Variants in SEC14L6 observed in about 807,000 individuals in gnomAD.
SEC14L6 encodes SEC14-like protein 6.
SEC14L6 carries 40 observed loss-of-function variants against 54.1 expected under a neutral mutation model. The observed-to-expected ratio is 0.74, with a 90% CI of 0.57 to 0.96. SEC14L6 has a LOEUF of 0.96. SEC14L6 is among the 40% of genes least tolerant of loss of function. The probability of loss-of-function intolerance (pLI) is 0.00; values close to 1 mark genes in which losing one functional copy is unlikely to be tolerated. For synonymous variants in SEC14L6, 171 were observed against 198.4 expected, an observed-to-expected ratio of 0.86 and a Z score of 1.16; for missense variants, 471 against 498.3, an observed-to-expected ratio of 0.95 and a Z score of 0.52.
chr22:30,543,274 C>T (rs546974840), intron 1 of SEC14L6: 9 of 1,586,508 alleles, frequency 5.7e-6, no homozygotes, highest in African/African-American at 4.0e-5. Flanking sequence ...CGTCACCTTG[C>T]GGGGGGACTC....
chr22:30,542,532 C>T (rs1343681162), intron 1 of SEC14L6: 3 of 1,118,588 alleles, frequency 2.7e-6, no homozygotes, highest in African/African-American at 3.3e-5. Flanking sequence ...GGCGGCGCTT[C>T]TAGTGCCTTC....
intron 1 of SEC14L6, among the ~76,000 whole-genome samples, chr22:30,540,256 T>A (rs1057466986): frequency 6.6e-6 from 1 of 152,130 alleles, no homozygotes; most frequent in Non-Finnish European, 1.5e-5. Flanking sequence ...TTAGCCAACA[T>A]GAGCAATTTT....
Position 30,524,734 on chromosome 22 carries a change from C to A in SEC14L6, c.*263G>T. The A allele has an allele frequency of 2.7e-6, 1 of 366,336 alleles. No homozygotes were observed. Among genetic ancestry groups the A allele is most frequent in the Non-Finnish European group, 5.0e-6 (1 of 198,512 alleles). The allele number at this position is 366,336 out of a possible 1,614,324, so 22.7% of individuals were successfully genotyped here. Reference sequence around the variant, plus strand: ...TTGGTATTGGTTGATAGAAAAAAGCCTGGGGTTTTTGCTGAGCTTGAGGTC... The same window carrying A: ...TTGGTATTGGTTGATAGAAAAAAGCATGGGGTTTTTGCTGAGCTTGAGGTC... On this transcript the variant is annotated 3_prime_UTR_variant, in exon 12 of 12. Coordinates refer to ENST00000402034, the MANE Select transcript of SEC14L6 (RefSeq NM_001193336.4).
rs201439318 is a variant in SEC14L6 at position 30,525,129 on chromosome 22, T to G, written c.1082-20A>C. On this transcript the variant is annotated intron_variant, in intron 11 of 11. Coordinates refer to ENST00000402034, the MANE Select transcript of SEC14L6 (RefSeq NM_001193336.4). Reference sequence around the variant, plus strand: ...GGACATCTGCAGTGAGGGACAGACATTCAGACAAGATGCCCCACCTGGGAC... The same window carrying G: ...GGACATCTGCAGTGAGGGACAGACAGTCAGACAAGATGCCCCACCTGGGAC... 1.8e-4 allele frequency: 260 copies of G among 1,433,048 alleles called. No homozygotes were observed. The highest frequency in any genetic ancestry group is 3.5e-4 in the Middle Eastern group (2 of 5,794). 88.8% of individuals were successfully genotyped at this position (1,433,048 alleles called of 1,614,324 possible).
In SEC14L6 at chr22:30,529,070, G is replaced by T. The variant is rs748336975; in HGVS notation, c.664+17C>A. The T allele has an allele frequency of 6.5e-7, 1 of 1,541,872 alleles. No individual in the cohort carries two copies. The highest frequency in any genetic ancestry group is 2.0e-5 in the Admixed American group (1 of 50,950). On this transcript the variant is annotated intron_variant, in intron 8 of 11. Coordinates refer to ENST00000402034, the MANE Select transcript of SEC14L6 (RefSeq NM_001193336.4). ...CAGGATCCAGGCTGGAAAAGAGGCC[G>T]CAGAGGGCTCACTCACCTCCGAGAA...
intron 1 of SEC14L6, among the ~76,000 whole-genome samples, chr22:30,541,556 C>T (rs541094602): frequency 4.6e-5 from 7 of 152,010 alleles, no homozygotes; most frequent in East Asian, 1.9e-4. Context: ...CTACTCAGGA[C>T]GCTGAGGCAG....
In SEC14L6 at chr22:30,538,860, G is replaced by A; in HGVS notation, c.97C>T (p.Pro33Ser). The A allele has an allele frequency of 6.4e-7, 1 of 1,557,902 alleles. No homozygotes were observed. Among genetic ancestry groups the A allele is most frequent in the Non-Finnish European group, 8.7e-7 (1 of 1,150,212 alleles). The change falls in exon 2 of 12, where the codon CCT (proline) becomes TCT (serine). Residue 33 changes from proline to serine, a missense_variant. Coordinates refer to ENST00000402034, the MANE Select transcript of SEC14L6 (RefSeq NM_001193336.4). ...CAGCGCAGGAGGAAGTAGTCATCAG[G>A]ATTGGGCAGCGCAGATAGCACATCT... Reference protein sequence around the residue: ...IQDVLSALPNPDDYFLLRWLQ... With the variant: ...IQDVLSALPNSDDYFLLRWLQ...
rs1318972347 is a variant in SEC14L6, at chr22:30,525,277, G to A, written c.1081+73C>T. 6.5e-6 allele frequency: 10 copies of A among 1,531,140 alleles called. No individual in the cohort carries two copies. In the African/African-American group the frequency reaches 1.2e-4, roughly 19 times the overall value. The allele number at this position is 1,531,140 out of a possible 1,614,324, so 94.8% of individuals were successfully genotyped here. On this transcript the variant is annotated intron_variant, in intron 11 of 11. Transcript: ENST00000402034. The stretch of plus-strand genomic sequence containing the variant: ...AGAACCAAGGGCCCTCACCTGGTAG[G>A]ACCTGGATGCACATTGTAGCACCCT...
chr22:30,532,251 T>C (rs779823725), intron 5 of SEC14L6: 2 of 985,446 alleles, frequency 2.0e-6, no homozygotes, highest in Non-Finnish European at 2.4e-6. Context: ...GGGGCTGAAA[T>C]CCCTGTCCCT....
At chr22:30,532,421 G>A in intron 5 of SEC14L6, 104 bp downstream of exon 5, 3 of 1,343,744 alleles carry the variant, frequency 2.2e-6, no homozygotes, top group Non-Finnish European at 3.0e-6. Flanking sequence ...GTACCAGGAG[G>A]AGCCGAGGAG....
At chr22:30,531,874 C>T (rs1356971546) in intron 6 of SEC14L6, 29 bp downstream of exon 6, 2 of 1,493,110 alleles carry the variant, frequency 1.3e-6, no homozygotes, top group Non-Finnish European at 1.8e-6. Context: ...TTTGACCACC[C>T]ACCCATGCCC....
chr22:30,531,622 G>T (rs1200875478), intron 6 of SEC14L6, among the ~76,000 whole-genome samples: 1 of 152,170 alleles, frequency 6.6e-6, no homozygotes, highest in Admixed American at 6.5e-5. Flanking sequence ...TACTCGGGAG[G>T]CTGAGGCAGA....
At chr22:30,542,710 G>A in intron 1 of SEC14L6, 1 of 1,567,826 alleles carries the variant, frequency 6.4e-7, no homozygotes, top group Admixed American at 1.7e-5. Context: ...ATCAGTTGCA[G>A]CTGGAGAGTC....
At chr22:30,530,269 G>A (rs1466738780) in intron 6 of SEC14L6, among the ~76,000 whole-genome samples, 3 of 152,128 alleles carry the variant, frequency 2.0e-5, no homozygotes, top group Admixed American at 2.0e-4. Flanking sequence ...AATTAGTTGG[G>A]CGTGGTGGCG....
rs1462243911 is a variant in SEC14L6, at chr22:30,532,654, G to A, written c.294C>T (p.Val98=). ...ICGHDGEGSP[V]WYHIVGSLDP... ...CCAGGCTTCCCACAATGTGGTACCA[G>A]ACAGGGCTGCCCTCACCGTCGTGGC... is the stretch of plus-strand genomic sequence containing the variant. Residue 98 remains valine, a synonymous_variant, in exon 5 of 12, where the codon GTC becomes GTT. Coordinates refer to ENST00000402034, the MANE Select transcript of SEC14L6 (RefSeq NM_001193336.4). The A allele has an allele frequency of 6.4e-7, 1 of 1,550,856 alleles. No homozygotes were observed. Among genetic ancestry groups the A allele is most frequent in the Non-Finnish European group, 8.7e-7 (1 of 1,147,162 alleles).
intron 11 of SEC14L6, 62 bp downstream of exon 11, chr22:30,525,288 A>C: frequency 6.4e-7 from 1 of 1,559,306 alleles, no homozygotes; most frequent in Non-Finnish European, 8.7e-7. Context: ...ACCTGGATGC[A>C]CATTGTAGCA....
rs998763480 is a variant in SEC14L6 at position 30,540,496 on chromosome 22, G to T, written c.55-1594C>A. On this transcript the variant is annotated intron_variant, in intron 1 of 11. Coordinates refer to ENST00000402034, the MANE Select transcript of SEC14L6 (RefSeq NM_001193336.4). ...TTTGGCCAGCCGAGGCAGGTGGATT[G>T]CTTGAGCTCAGGAGTTTGAGACCAC... Among the ~76,000 whole-genome samples the T allele has an allele frequency of 4.0e-5, 6 of 150,496 alleles. 1 individual carries two copies. In the South Asian group the frequency reaches 1.3e-3, roughly 32 times the overall value.
At chr22:30,529,814 G>A (rs981535721) in intron 6 of SEC14L6, among the ~76,000 whole-genome samples, 2 of 152,120 alleles carry the variant, frequency 1.3e-5, no homozygotes, top group East Asian at 1.9e-4. Context: ...TCCCATTCAC[G>A]ACTGTGGAAG....
intron 1 of SEC14L6, among the ~76,000 whole-genome samples, chr22:30,541,757 C>T (rs181550564): frequency 1.3e-5 from 2 of 152,224 alleles, no homozygotes; most frequent in South Asian, 2.1e-4. Flanking sequence ...TGCTTGAGCC[C>T]AGGAGTTTGA....
Sources: allele counts gnomAD v4.1 joint callset (sites outside exome capture counted in the v4.1 genomes callset), GRCh38; gene constraint gnomAD v4.1.1; transcripts MANE v1.5; gene names NCBI Gene and HGNC (gene_info 2026-07-23, HGNC 2026-07-21).